Variants in NRG3 observed in about 807,000 individuals in gnomAD.
The protein encoded by NRG3 is pro-neuregulin-3, membrane-bound isoform.
A neutral mutation model predicts 66.9 loss-of-function variants in NRG3; 31 were observed. The observed-to-expected ratio is 0.46, with a 90% CI of 0.35 to 0.63. The LOEUF is 0.63. Ranked by LOEUF, NRG3 falls within the 20% of genes least tolerant of loss-of-function variation. The probability of loss-of-function intolerance (pLI) is 0.00; values close to 1 mark genes in which losing one functional copy is unlikely to be tolerated. For synonymous variants in NRG3, 393 were observed against 359.4 expected, an observed-to-expected ratio of 1.09 and a Z score of -1.06; for missense variants, 910 against 878.9, an observed-to-expected ratio of 1.04 and a Z score of -0.45.
chr10:82,482,390 A>G (rs77270505), intron 2 of NRG3, among the ~76,000 whole-genome samples: 42 of 152,310 alleles, frequency 2.8e-4, no homozygotes, highest in Admixed American at 5.2e-4. Context: ...TGTTCTGGGA[A>G]CGCAAAGAAT....
chr10:81,974,706 C>T (rs928902042), intron 1 of NRG3, among the ~76,000 whole-genome samples: 1 of 151,880 alleles, frequency 6.6e-6, no homozygotes, highest in Non-Finnish European at 1.5e-5. Context: ...AGTTTTTGGC[C>T]CTCTGACATC....
intron 2 of NRG3, among the ~76,000 whole-genome samples, chr10:82,503,778 G>T (rs1405066539): frequency 1.3e-5 from 2 of 152,090 alleles, no homozygotes; most frequent in African/African-American, 4.8e-5. Context: ...AAATTCCAGG[G>T]TTTACACAAC....
chr10:81,977,648 A>G (rs2060174777), intron 1 of NRG3, among the ~76,000 whole-genome samples: 1 of 152,212 alleles, frequency 6.6e-6, no homozygotes. Flanking sequence ...AACAAACCAC[A>G]TTATGGTACC....
intron 3 of NRG3, among the ~76,000 whole-genome samples, chr10:82,761,728 G>T (rs1185694075): frequency 6.6e-6 from 1 of 151,384 alleles, no homozygotes; most frequent in East Asian, 1.9e-4. Context: ...TTCCAGTAAT[G>T]GAATGAAATA....
chr10:82,022,549 G>A (rs2062109568), intron 1 of NRG3, among the ~76,000 whole-genome samples: 1 of 152,068 alleles, frequency 6.6e-6, no homozygotes, highest in African/African-American at 2.4e-5. Context: ...AGTATTTGTG[G>A]TGTTTCTTCA....
chr10:82,550,347 G>A (rs1364478156), intron 2 of NRG3, among the ~76,000 whole-genome samples: 3 of 152,062 alleles, frequency 2.0e-5, no homozygotes, highest in Admixed American at 1.3e-4. Context: ...AGGGAAGTCG[G>A]GATAGTAATG....
At position 82,963,688 on chromosome 10, in the gene NRG3, AT is replaced by A. The variant is rs1340350765; in HGVS notation, c.1284+4614del. Among the ~76,000 whole-genome samples, 3 of 152,292 alleles carry A rather than the reference AT, an allele frequency of 2.0e-5. No individual in the cohort carries two copies. In the East Asian group the frequency reaches 5.8e-4, roughly 29 times the overall value. ...GAGCGAGACAACGTCTCAAAAAAAA[AT>A]AAAAAAGAATTTGCGTTAAAATAGT... On this transcript the variant is annotated intron_variant, in intron 6 of 8. Coordinates refer to ENST00000372141, the MANE Select transcript of NRG3 (RefSeq NM_001010848.4).
chr10:82,832,804 TTGTGTGTGTGTGTG>T (rs139438548), intron 3 of NRG3, among the ~76,000 whole-genome samples: 1 of 148,006 alleles, frequency 6.8e-6, no homozygotes, highest in Admixed American at 6.8e-5. Flanking sequence ...ATGCATGTAA[TTGTGTGTGTGTGTG>T]TGTGTGTGTG....
chr10:82,595,783 CA>C (rs74616149), intron 2 of NRG3, among the ~76,000 whole-genome samples: 13,377 of 136,024 alleles, frequency 0.098, 627 homozygotes, highest in East Asian at 0.16. Flanking sequence ...GACTGTGTCT[CA>C]AAAAAAAAAA....
At chr10:81,918,818 C>CAAAAAACAAAAA (rs11268762) in intron 1 of NRG3, among the ~76,000 whole-genome samples, 129,763 of 145,696 alleles carry the variant, frequency 0.89, 58,679 homozygotes, top group East Asian at 0.99. Flanking sequence ...AGGATTTTTG[C>CAAAAAACAAAAA]AAAAAACAAA....
intron 2 of NRG3, among the ~76,000 whole-genome samples, chr10:82,471,334 C>T (rs1253741588): frequency 6.6e-6 from 1 of 152,090 alleles, no homozygotes; most frequent in Non-Finnish European, 1.5e-5. Context: ...TCCCAGTGTG[C>T]AGGCCTGTTG....
intron 1 of NRG3, among the ~76,000 whole-genome samples, chr10:82,331,778 G>A (rs2082147394): frequency 6.6e-6 from 1 of 152,180 alleles, no homozygotes; most frequent in Non-Finnish European, 1.5e-5. Context: ...AGGGGAAGAT[G>A]TGACAAAAAA....
At chr10:82,448,815 A>G (rs1378428685) in intron 2 of NRG3, among the ~76,000 whole-genome samples, 1 of 152,130 alleles carries the variant, frequency 6.6e-6, no homozygotes, top group Non-Finnish European at 1.5e-5. Flanking sequence ...ATTGTCTATA[A>G]TTCAGCAATT....
chr10:82,547,965 T>C (rs965257441), intron 2 of NRG3, among the ~76,000 whole-genome samples: 2 of 151,320 alleles, frequency 1.3e-5, no homozygotes, highest in Admixed American at 1.3e-4. Flanking sequence ...GTGATATGAA[T>C]AGTGTGGTAC....
chr10:82,620,802 C>T (rs2048995597), intron 2 of NRG3, among the ~76,000 whole-genome samples: 1 of 151,982 alleles, frequency 6.6e-6, no homozygotes, highest in Admixed American at 6.6e-5. Flanking sequence ...ATTTCTGTTT[C>T]CTGCCTCTAT....
At chr10:82,021,616 T>C (rs999384223) in intron 1 of NRG3, among the ~76,000 whole-genome samples, 6 of 152,102 alleles carry the variant, frequency 3.9e-5, no homozygotes, top group African/African-American at 1.4e-4. Flanking sequence ...TCTGGAAGAA[T>C]AGAGAGTCTC....
At chr10:81,941,544 T>C (rs1190725804) in intron 1 of NRG3, among the ~76,000 whole-genome samples, 1 of 152,142 alleles carries the variant, frequency 6.6e-6, no homozygotes, top group Non-Finnish European at 1.5e-5. Flanking sequence ...AAAAATTAAA[T>C]TGAAAGCCTC....
chr10:82,370,326 C>T (rs532610214), intron 2 of NRG3, among the ~76,000 whole-genome samples: 1 of 137,630 alleles, frequency 7.3e-6, no homozygotes, highest in South Asian at 2.2e-4. Context: ...AGTGGGGCTG[C>T]CCAGTGGCCA....
At chr10:82,180,147 T>A (rs2073315042) in intron 1 of NRG3, among the ~76,000 whole-genome samples, 1 of 151,972 alleles carries the variant, frequency 6.6e-6, no homozygotes. Context: ...TGTGTGTGTG[T>A]GTGAAATCCT....
Sources: gnomAD v4.1 joint callset for allele counts (sites outside exome capture counted in the v4.1 genomes callset) on GRCh38, gnomAD v4.1.1 for gene constraint, MANE v1.5 for transcripts, NCBI Gene and HGNC (gene_info 2026-07-23, HGNC 2026-07-21) for gene names.